CSMD1: variants seen among roughly 807,000 people sequenced by gnomAD.
CSMD1 encodes CUB and sushi domain-containing protein 1.
Under a neutral mutation model 417.5 loss-of-function variants are expected in CSMD1, and 213 were observed. That is an observed-to-expected ratio of 0.51 (90% confidence interval 0.46 to 0.57). The LOEUF is 0.57. CSMD1 is among the 20% of genes least tolerant of loss of function. CSMD1 has a pLI of 0.00. For missense variants in CSMD1, 6,923 were observed against 4,529.7 expected (o/e 1.53, Z -15.17); for synonymous variants, 2,862 against 1,736.8 (o/e 1.65, Z -16.11).
chr8:3,561,663 A>T (rs1799471517), intron 10 of CSMD1, among the ~76,000 whole-genome samples: 1 of 152,214 alleles, frequency 6.6e-6, no homozygotes, highest in Non-Finnish European at 1.5e-5. Flanking sequence ...AGAATTGCAC[A>T]TTGGGTACCA....
intron 2 of CSMD1, among the ~76,000 whole-genome samples, chr8:4,452,658 A>G (rs1799220341): frequency 6.6e-6 from 1 of 152,226 alleles, no homozygotes; most frequent in Non-Finnish European, 1.5e-5. Context: ...GAAACGTAAC[A>G]TTGCATATTT....
chr8:4,228,284 T>C (rs1801486092), intron 3 of CSMD1, among the ~76,000 whole-genome samples: 1 of 152,224 alleles, frequency 6.6e-6, no homozygotes, highest in Admixed American at 6.5e-5. Context: ...CTGGTGCTGC[T>C]GGCCCTGGCA....
chr8:3,881,659 AC>A (rs1806215814), intron 5 of CSMD1, among the ~76,000 whole-genome samples: 1 of 151,528 alleles, frequency 6.6e-6, no homozygotes, highest in African/African-American at 2.4e-5. Context: ...AAAACCAACA[AC>A]AACAAAAGAA....
chr8:4,130,255 G>C (rs1803016600), intron 3 of CSMD1, among the ~76,000 whole-genome samples: 1 of 152,074 alleles, frequency 6.6e-6, no homozygotes, highest in Admixed American at 6.6e-5. Flanking sequence ...GGAGAGCCAA[G>C]GATGTCTATA....
intron 4 of CSMD1, among the ~76,000 whole-genome samples, chr8:4,001,508 C>A (rs1269185851): frequency 6.6e-6 from 1 of 152,138 alleles, no homozygotes; most frequent in East Asian, 1.9e-4. Flanking sequence ...CTGGTGCCCA[C>A]CCCTGAGTAC....
chr8:4,570,716 T>C (rs924303358), intron 2 of CSMD1, among the ~76,000 whole-genome samples: 2 of 152,212 alleles, frequency 1.3e-5, no homozygotes, highest in Admixed American at 6.5e-5. Flanking sequence ...TCAGAAGGAA[T>C]GGTACAAGCT....
chr8:3,119,985 G>A (rs900321503), intron 41 of CSMD1, among the ~76,000 whole-genome samples: 1 of 152,172 alleles, frequency 6.6e-6, no homozygotes, highest in East Asian at 1.9e-4. Context: ...GGAGAATGAA[G>A]TGAAATGGAA....
chr8:3,717,710 G>A (rs930787876), intron 6 of CSMD1, among the ~76,000 whole-genome samples: 1 of 152,134 alleles, frequency 6.6e-6, no homozygotes, highest in African/African-American at 2.4e-5. Flanking sequence ...AATATTGGTA[G>A]AATAAAAATA....
chr8:3,668,282 G>A (rs1398155948), intron 7 of CSMD1, among the ~76,000 whole-genome samples: 1 of 152,146 alleles, frequency 6.6e-6, no homozygotes, highest in East Asian at 1.9e-4. Context: ...AGATGGCCCT[G>A]TGTAAAGGAA....
intron 1 of CSMD1, among the ~76,000 whole-genome samples, chr8:4,885,501 C>T (rs564487353): frequency 1.9e-4 from 29 of 152,124 alleles, no homozygotes; most frequent in African/African-American, 6.8e-4. Context: ...AGTTGAGAAA[C>T]ACCACTGTAA....
intron 3 of CSMD1, among the ~76,000 whole-genome samples, chr8:4,325,193 C>G (rs987881972): frequency 1.3e-5 from 2 of 152,174 alleles, no homozygotes; most frequent in Non-Finnish European, 2.9e-5. Context: ...AGGAAACTGT[C>G]ATGAAAACAG....
intron 3 of CSMD1, among the ~76,000 whole-genome samples, chr8:4,261,648 A>T (rs1292464874): frequency 6.6e-6 from 1 of 152,036 alleles, no homozygotes. Context: ...AGGCTCAGGC[A>T]ATCCTGCCAC....
intron 3 of CSMD1, among the ~76,000 whole-genome samples, chr8:4,283,687 G>C (rs974159894): frequency 2.6e-5 from 4 of 152,078 alleles, no homozygotes; most frequent in Non-Finnish European, 4.4e-5. Context: ...CATTCACTTA[G>C]GTTTTTGAGA....
rs75654545 is a variant in CSMD1 at position 3,795,092 on chromosome 8, T to G, written c.819-41050A>C. Among the ~76,000 whole-genome samples, 8 of 84,494 alleles carry G rather than the reference T, an allele frequency of 9.5e-5. 2 individuals carry two copies. Among genetic ancestry groups the G allele is most frequent in the East Asian group, 9.1e-4 (2 of 2,202 alleles). 55.4% of individuals were successfully genotyped at this position (84,494 alleles called of 152,430 possible). A position where few individuals can be genotyped will look rare whatever the true frequency, so the allele number is the denominator to read the frequency against. ...TATCTATCATGTACAGCTATAGATA[T>G]ATATCTATCATGTACAGCTATAGAT... On this transcript the variant is annotated intron_variant, in intron 5 of 69. Coordinates refer to ENST00000635120, the MANE Select transcript of CSMD1 (RefSeq NM_033225.6).
intron 2 of CSMD1, among the ~76,000 whole-genome samples, chr8:4,455,444 A>T (rs997655933): frequency 6.6e-6 from 1 of 152,172 alleles, no homozygotes; most frequent in African/African-American, 2.4e-5. Flanking sequence ...GAGAAATGAT[A>T]CAAGCACACA....
intron 3 of CSMD1, among the ~76,000 whole-genome samples, chr8:4,214,593 T>G (rs537424074): frequency 6.6e-6 from 1 of 152,298 alleles, no homozygotes; most frequent in African/African-American, 2.4e-5. Context: ...CCACTGTGCC[T>G]GGCCCACCTT....
intron 26 of CSMD1, among the ~76,000 whole-genome samples, chr8:3,249,842 G>C (rs1351598322): frequency 1.3e-5 from 2 of 152,082 alleles, no homozygotes; most frequent in Non-Finnish European, 2.9e-5. Context: ...TTTGCAAATG[G>C]CTAATGGCAC....
rs571198088 is a variant in CSMD1 at position 2,976,800 on chromosome 8, T to C, written c.8566+1812A>G. Among the ~76,000 whole-genome samples the C allele has an allele frequency of 8.5e-5, 13 of 152,310 alleles. No individual in the cohort carries two copies. In the South Asian group the frequency reaches 2.5e-3, roughly 29 times the overall value. On this transcript the variant is annotated intron_variant, in intron 55 of 69. Coordinates refer to ENST00000635120, the MANE Select transcript of CSMD1 (RefSeq NM_033225.6). ...ATGATCTTAAGACATGATTCTCTTT[T>C]AGTTAACAGTCAATCTGATTTTTTT...
At chr8:3,861,330 C>A (rs568585068) in intron 5 of CSMD1, among the ~76,000 whole-genome samples, 20 of 152,334 alleles carry the variant, frequency 1.3e-4, no homozygotes, top group South Asian at 1.2e-3. Context: ...GCTGGCATAA[C>A]TGCCGGGCTC....
Sources: allele counts gnomAD v4.1 joint callset (sites outside exome capture counted in the v4.1 genomes callset), GRCh38; gene constraint gnomAD v4.1.1; transcripts MANE v1.5; gene names NCBI Gene and HGNC (gene_info 2026-07-23, HGNC 2026-07-21).